RGS6: variants seen among roughly 807,000 people sequenced by gnomAD.
RGS6 encodes regulator of G protein signaling 6.
RGS6 carries 30 observed loss-of-function variants against 78.5 expected under a neutral mutation model. The ratio of observed to expected loss-of-function variants is 0.38; its 90% CI spans 0.29 to 0.52. The LOEUF is 0.52. Among genes scored for constraint, RGS6 ranks in the 20% least tolerant of loss-of-function variants. RGS6 has a pLI of 0.85. For missense variants in RGS6, 495 were observed against 609.7 expected (o/e 0.81, Z 1.98); for synonymous variants, 206 against 206.0 (o/e 1.00, Z 0.00).
intron 2 of RGS6, among the ~76,000 whole-genome samples, chr14:72,177,167 T>C (rs1254868377): frequency 6.6e-6 from 1 of 152,240 alleles, no homozygotes; most frequent in Non-Finnish European, 1.5e-5. Flanking sequence ...TTTTTGTTTT[T>C]TTCAAATGAA....
chr14:71,964,661 A>G (rs746205370), intron 1 of RGS6, 111 bp from the exon 2 acceptor site: 50 of 672,650 alleles, frequency 7.4e-5, no homozygotes, highest in Non-Finnish European at 1.2e-4. Context: ...ATCATGTAAT[A>G]TCATGTTTTT....
At position 72,234,346 on chromosome 14, in the gene RGS6, C is replaced by T. The variant is rs72721828; in HGVS notation, c.85-117749C>T. Among the ~76,000 whole-genome samples, 921 of 151,682 alleles carry T rather than the reference C, an allele frequency of 6.1e-3. 5 individuals carry two copies. The highest frequency in any genetic ancestry group is 9.0e-3 in the Non-Finnish European group (610 of 67,950). ...TGAATGAAGACCTGGGAAACTGACACATACTATCTTGACTCATAAGAGACT... is the reference window on the plus strand; with the variant it reads ...TGAATGAAGACCTGGGAAACTGACATATACTATCTTGACTCATAAGAGACT... On this transcript the variant is annotated intron_variant, in intron 2 of 17. Coordinates refer to ENST00000553525, the MANE Select transcript of RGS6 (RefSeq NM_001204424.2).
intron 2 of RGS6, among the ~76,000 whole-genome samples, chr14:72,062,318 G>C (rs779250909): frequency 1.3e-5 from 2 of 152,224 alleles, no homozygotes; most frequent in African/African-American, 4.8e-5. Context: ...AGTGAGGAGA[G>C]GTGGGTAGGA....
At chr14:72,449,356 T>C (rs1427408922) in intron 3 of RGS6, among the ~76,000 whole-genome samples, 3 of 152,204 alleles carry the variant, frequency 2.0e-5, no homozygotes, top group South Asian at 2.1e-4. Context: ...TGGGAACCAG[T>C]CTTTTTATCA....
intron 2 of RGS6, among the ~76,000 whole-genome samples, chr14:72,320,678 A>T (rs960426456): frequency 1.3e-5 from 2 of 151,704 alleles, no homozygotes; most frequent in East Asian, 3.9e-4. Context: ...TTCAGTGAAC[A>T]CTGAGTCTGT....
chr14:72,515,817 G>A (rs1376673074), intron 14 of RGS6: 1 of 152,268 alleles, frequency 6.6e-6, no homozygotes, highest in Admixed American at 6.5e-5. Flanking sequence ...AGCTCCCAGG[G>A]TCCTCAGGGC....
the RGS6 span, among the ~76,000 whole-genome samples, chr14:72,580,313 C>T: frequency 1.2e-4 from 18 of 145,786 alleles, no homozygotes; most frequent in East Asian, 1.9e-3. Context: ...AATGTCCCCC[C>T]CACCCCGACC....
chr14:72,079,385 ATTC>A (rs1352209472), intron 2 of RGS6, among the ~76,000 whole-genome samples: 2 of 152,154 alleles, frequency 1.3e-5, no homozygotes, highest in South Asian at 2.1e-4. Context: ...GCTCAGCACT[ATTC>A]TTTTACAGTT....
the RGS6 span, among the ~76,000 whole-genome samples, chr14:71,915,242 G>A: frequency 6.6e-6 from 1 of 151,730 alleles, no homozygotes; most frequent in Non-Finnish European, 1.5e-5. Context: ...GGGCGACAGA[G>A]TGAGACTCCT....
At chr14:72,328,661 A>G (rs2074323478) in intron 2 of RGS6, among the ~76,000 whole-genome samples, 1 of 152,152 alleles carries the variant, frequency 6.6e-6, no homozygotes, top group Admixed American at 6.5e-5. Context: ...GACAGACATC[A>G]TTGTGAGGTC....
intron 2 of RGS6, among the ~76,000 whole-genome samples, chr14:72,290,118 G>A (rs924966372): frequency 4.6e-5 from 7 of 152,250 alleles, no homozygotes; most frequent in South Asian, 4.1e-4. Context: ...ATCCTAGGAC[G>A]ATCAATCTCT....
In RGS6 at chr14:72,536,114, A is replaced by G. The variant is rs1055437405; in HGVS notation, c.1279-72A>G. The G allele has an allele frequency of 5.2e-6, 6 of 1,150,924 alleles. No homozygotes were observed. The Admixed American group carries it at 8.5e-5, about 16-fold the overall frequency. 71.3% of individuals were successfully genotyped at this position (1,150,924 alleles called of 1,614,324 possible). On this transcript the variant is annotated intron_variant, in intron 15 of 17. Coordinates refer to ENST00000553525, the MANE Select transcript of RGS6 (RefSeq NM_001204424.2). ...CATCTCCTTCCCCAAAACAGTGATC[A>G]ATTGGATTGTAATATTCTTTAGCAC...
intron 3 of RGS6, among the ~76,000 whole-genome samples, chr14:72,401,925 A>G (rs2092445699): frequency 6.6e-6 from 1 of 152,228 alleles, no homozygotes; most frequent in Non-Finnish European, 1.5e-5. Context: ...ATTTGAGGAT[A>G]TTTTAATAAA....
At chr14:72,423,415 TAAC>T (rs1232230819) in intron 3 of RGS6, among the ~76,000 whole-genome samples, 3 of 152,032 alleles carry the variant, frequency 2.0e-5, no homozygotes, top group Non-Finnish European at 2.9e-5. Context: ...AAATAATTGT[TAAC>T]AATGTATTCA....
intron 2 of RGS6, among the ~76,000 whole-genome samples, chr14:72,143,474 T>C (rs1414439759): frequency 6.6e-6 from 1 of 152,246 alleles, no homozygotes; most frequent in Non-Finnish European, 1.5e-5. Context: ...TAATTTTTGT[T>C]GTAGGATTAT....
rs564267257 is a variant in RGS6 at position 72,195,216 on chromosome 14, A to C, written c.85-156879A>C. 9.6e-4 allele frequency among the ~76,000 whole-genome samples: 146 copies of C among 152,210 alleles called. 1 individual carries two copies. Among genetic ancestry groups the C allele is most frequent in the African/African-American group, 3.2e-3 (133 of 41,542 alleles). ...GAGTGAAACTCCATCTCAAAAAAAA[A>C]AAAGAATAAAGAAATAAAAGTGGGA... On this transcript the variant is annotated intron_variant, in intron 2 of 17. Transcript: ENST00000553525.
intron 3 of RGS6, among the ~76,000 whole-genome samples, chr14:72,423,131 G>A (rs1482147124): frequency 6.6e-6 from 1 of 152,190 alleles, no homozygotes; most frequent in Non-Finnish European, 1.5e-5. Context: ...TTGTGAAGAG[G>A]GCCATCCCCT....
In RGS6 at chr14:72,149,564, G is replaced by A. The variant is rs558365011; in HGVS notation, c.84+184689G>A. Reference sequence around the variant, plus strand: ...AGTGTGAAATATAGGTTAAAGGAACGTTTGGGACCAAATTATGGTGGAGCC... The same window carrying A: ...AGTGTGAAATATAGGTTAAAGGAACATTTGGGACCAAATTATGGTGGAGCC... On this transcript the variant is annotated intron_variant, in intron 2 of 17. Transcript: ENST00000553525. Among the ~76,000 whole-genome samples the A allele has an allele frequency of 7.2e-5, 11 of 152,238 alleles. No individual in the cohort carries two copies. The South Asian group carries it at 1.5e-3, about 20-fold the overall frequency.
At chr14:72,546,125 C>T (rs1389996944) in intron 17 of RGS6, among the ~76,000 whole-genome samples, 1 of 152,188 alleles carries the variant, frequency 6.6e-6, no homozygotes, top group Non-Finnish European at 1.5e-5. Context: ...TGTTGCTGTC[C>T]TCTTTTAGCG....
Sources: gnomAD v4.1 joint callset for allele counts (sites outside exome capture counted in the v4.1 genomes callset) on GRCh38, gnomAD v4.1.1 for gene constraint, MANE v1.5 for transcripts, NCBI Gene and HGNC (gene_info 2026-07-23, HGNC 2026-07-21) for gene names.